MUCL1: variants seen among roughly 807,000 people sequenced by gnomAD.
MUCL1 encodes the protein mucin-like protein 1.
Under a neutral mutation model 9.2 loss-of-function variants are expected in MUCL1, and 11 were observed. The observed-to-expected ratio is 1.19, with a 90% CI of 0.75 to 1.97. MUCL1 has a LOEUF of 1.97. Among genes scored for constraint, MUCL1 ranks in the 30% most tolerant of loss-of-function variants. MUCL1 has a pLI of 0.00. For synonymous variants in MUCL1, 48 were observed against 40.5 expected (o/e 1.19, Z -0.71); for missense variants, 144 against 110.9 (o/e 1.30, Z -1.34).
At chr12:54,850,913 A>T (rs2135944609), upstream of MUCL1, among the ~76,000 whole-genome samples, 3 of 152,294 alleles carry the variant, frequency 2.0e-5, 1 homozygote, top group Admixed American at 2.0e-4. Flanking sequence ...ATGGCCAGTG[A>T]TGGTGAGCAT....
At chr12:54,848,702 C>T (rs1044940403) in intron 1 of MUCL1, among the ~76,000 whole-genome samples, 3 of 152,136 alleles carry the variant, frequency 2.0e-5, no homozygotes, top group African/African-American at 7.2e-5. Flanking sequence ...CAGGGAAATG[C>T]AAGTTAACAT....
intron 1 of MUCL1, among the ~76,000 whole-genome samples, chr12:54,848,763 C>A (rs1167354763): frequency 6.6e-6 from 1 of 152,100 alleles, no homozygotes; most frequent in East Asian, 1.9e-4. Flanking sequence ...ACTGAGATAA[C>A]CTTTACTACT....
chr12:54,849,635 A>G (rs926033497), upstream of MUCL1, among the ~76,000 whole-genome samples: 2 of 152,090 alleles, frequency 1.3e-5, no homozygotes, highest in African/African-American at 4.8e-5. Flanking sequence ...AATATATTGC[A>G]TAATATTTGA....
In MUCL1 at chr12:54,858,292, C is replaced by T; in HGVS notation, c.*50C>T. ...CAATTGGTCACAACTATTCATGCTT[C>T]CTGTGATTTCATCCAACTACTTACC... On this transcript the variant is annotated 3_prime_UTR_variant, in exon 4 of 4. Coordinates refer to ENST00000308796, the MANE Select transcript of MUCL1 (RefSeq NM_058173.3). The T allele has an allele frequency of 6.2e-7, 1 of 1,608,156 alleles. No individual in the cohort carries two copies. Among genetic ancestry groups the T allele is most frequent in the Non-Finnish European group, 8.5e-7 (1 of 1,174,870 alleles).
At chr12:54,838,815 C>A (rs1959198438), upstream of MUCL1, among the ~76,000 whole-genome samples, 1 of 151,928 alleles carries the variant, frequency 6.6e-6, no homozygotes, top group African/African-American at 2.4e-5. Flanking sequence ...GAAAATTTTT[C>A]ATTATTATCC....
At chr12:54,835,606 GTTT>G (rs35413913), upstream of MUCL1, among the ~76,000 whole-genome samples, 1,107 of 140,436 alleles carry the variant, frequency 7.9e-3, 12 homozygotes, top group African/African-American at 0.026. Context: ...TGATGGGATT[GTTT>G]TTTTTTTTTT....
upstream of MUCL1, among the ~76,000 whole-genome samples, chr12:54,851,920 A>G (rs1044381418): frequency 1.3e-5 from 2 of 152,324 alleles, no homozygotes. Flanking sequence ...CTTCAAAGAG[A>G]ATAAAATACC....
chr12:54,840,383 T>A (rs1959204952), intron 1 of MUCL1, among the ~76,000 whole-genome samples: 1 of 152,214 alleles, frequency 6.6e-6, no homozygotes, highest in African/African-American at 2.4e-5. Context: ...GCTGATGATA[T>A]GAATAAGTTT....
At chr12:54,837,767 TC>T (rs1959195542), upstream of MUCL1, among the ~76,000 whole-genome samples, 2 of 151,848 alleles carry the variant, frequency 1.3e-5, no homozygotes, top group African/African-American at 2.4e-5. Context: ...AGACTCCGTC[TC>T]CAAAAAAACA....
At chr12:54,834,798 G>A (rs2121479308), upstream of MUCL1, among the ~76,000 whole-genome samples, 1 of 151,932 alleles carries the variant, frequency 6.6e-6, no homozygotes, top group East Asian at 1.9e-4. Flanking sequence ...TTGGTTATAT[G>A]GATGAATTGT....
At chr12:54,848,447 G>A (rs555558619) in intron 1 of MUCL1, among the ~76,000 whole-genome samples, 5 of 152,182 alleles carry the variant, frequency 3.3e-5, no homozygotes, top group South Asian at 4.1e-4. Context: ...GTTTAATGTA[G>A]AAATTATAAT....
chr12:54,844,721 G>C (rs1959233956), intron 1 of MUCL1, among the ~76,000 whole-genome samples: 1 of 152,172 alleles, frequency 6.6e-6, no homozygotes. Context: ...CTTTAGTCTT[G>C]TCAGGTGTTG....
chr12:54,832,799 GA>G (rs1317804884), intron 1 of MUCL1, among the ~76,000 whole-genome samples: 1 of 152,030 alleles, frequency 6.6e-6, no homozygotes, highest in Non-Finnish European at 1.5e-5. Flanking sequence ...TGTCAAATAA[GA>G]AGTGATGCTT....
intron 1 of MUCL1, among the ~76,000 whole-genome samples, chr12:54,846,073 C>T (rs188649824): frequency 5.3e-5 from 8 of 152,244 alleles, no homozygotes; most frequent in Admixed American, 5.2e-4. Flanking sequence ...ACTTGTCCTT[C>T]GAGCCCATAT....
intron 3 of MUCL1, among the ~76,000 whole-genome samples, chr12:54,857,535 G>T (rs1868309954): frequency 6.6e-6 from 1 of 151,932 alleles, no homozygotes; most frequent in Admixed American, 6.6e-5. Context: ...CGGAACATAT[G>T]CCAGGAACTG....
At chr12:54,846,275 T>A (rs566400603) in intron 1 of MUCL1, among the ~76,000 whole-genome samples, 6 of 152,246 alleles carry the variant, frequency 3.9e-5, no homozygotes, top group African/African-American at 1.2e-4. Flanking sequence ...CACCCATCCC[T>A]AGATGCTGCC....
chr12:54,850,009 G>A (rs577449108), upstream of MUCL1, among the ~76,000 whole-genome samples: 108 of 152,252 alleles, frequency 7.1e-4, no homozygotes, highest in African/African-American at 2.5e-3. Flanking sequence ...GCTTCAGCTT[G>A]GGCAAACCAG....
At chr12:54,855,427 G>A (rs1868291584) in intron 2 of MUCL1, 2 of 419,632 alleles carry the variant, frequency 4.8e-6, no homozygotes, top group East Asian at 4.2e-5. Flanking sequence ...TAAGGCACAA[G>A]AGCATGAGGT....
chr12:54,842,631 T>C (rs1959218172), intron 1 of MUCL1, among the ~76,000 whole-genome samples: 1 of 148,964 alleles, frequency 6.7e-6, no homozygotes, highest in Admixed American at 6.6e-5. Context: ...TTATTCTTCC[T>C]GTCTAACTGA....
Sources: gnomAD v4.1 joint callset for allele counts (sites outside exome capture counted in the v4.1 genomes callset) on GRCh38, gnomAD v4.1.1 for gene constraint, MANE v1.5 for transcripts, NCBI Gene and HGNC (gene_info 2026-07-23, HGNC 2026-07-21) for gene names.